The following KAT6A variants were observed in gnomAD, a reference collection of about 807,000 sequenced individuals.
The protein encoded by KAT6A is lysine acetyltransferase 6A, also known as histone acetyltransferase KAT6A.
In KAT6A, 9 loss-of-function variants were observed where a neutral mutation model predicts 198.4. The observed-to-expected ratio is 0.05, with a 90% CI of 0.03 to 0.08. KAT6A has a LOEUF of 0.08. Ranked by LOEUF, KAT6A falls within the 10% of genes least tolerant of loss-of-function variation. KAT6A has a pLI of 1.00. For synonymous variants in KAT6A, 890 were observed against 883.0 expected (o/e 1.01, Z -0.14); for missense variants, 2,077 against 2,509.9 (o/e 0.83, Z 3.69).
chr8:42,015,800 T>C (rs1826243404), intron 2 of KAT6A, among the ~76,000 whole-genome samples: 1 of 152,240 alleles, frequency 6.6e-6, no homozygotes, highest in Admixed American at 6.5e-5. Context: ...TCAATTTATC[T>C]ATTCCTACTG....
At chr8:42,042,717 C>T (rs967790350) in intron 2 of KAT6A, among the ~76,000 whole-genome samples, 14 of 152,184 alleles carry the variant, frequency 9.2e-5, no homozygotes, top group African/African-American at 4.8e-5. Flanking sequence ...CCCTGTCCAA[C>T]TGAACGCTTT....
At chr8:41,940,297 C>T (rs1293392359) in intron 15 of KAT6A, among the ~76,000 whole-genome samples, 1 of 152,098 alleles carries the variant, frequency 6.6e-6, no homozygotes, top group Non-Finnish European at 1.5e-5. Flanking sequence ...ATTTTTAAAG[C>T]AAGAGAGACC....
chr8:41,968,332 C>T (rs1421239193), intron 8 of KAT6A, among the ~76,000 whole-genome samples: 10 of 152,274 alleles, frequency 6.6e-5, no homozygotes, highest in Non-Finnish European at 1.0e-4. Flanking sequence ...ACAGACACTT[C>T]TCAAAAGAAG....
Position 41,955,323 on chromosome 8 carries a change from G to A in KAT6A, c.1571C>T (p.Ser524Phe), listed in dbSNP as rs1334831547. 1.4e-5 allele frequency: 22 copies of A among 1,609,908 alleles called. No individual in the cohort carries two copies. Among genetic ancestry groups the A allele is most frequent in the Non-Finnish European group, 1.9e-5 (22 of 1,176,306 alleles). Residue 524 changes from serine to phenylalanine, a missense_variant, in exon 9 of 17, where the codon TCC (serine) becomes TTC (phenylalanine). By Grantham distance (155) the Ser-to-Phe change is radical. Coordinates refer to ENST00000265713, the MANE Select transcript of KAT6A (RefSeq NM_006766.5). ...FGKYEIHTWY[S>F]SPYPQEYSRL... Reference sequence around the variant, plus strand: ...TGAGTATTCTTGAGGATATGGGGAGGAGTACCAGGTGTGAATTTCATACTT... The same window carrying A: ...TGAGTATTCTTGAGGATATGGGGAGAAGTACCAGGTGTGAATTTCATACTT...
chr8:42,002,265 A>G (rs1684806226), intron 2 of KAT6A, among the ~76,000 whole-genome samples: 1 of 152,234 alleles, frequency 6.6e-6, no homozygotes. Context: ...GTCTGGCTCC[A>G]GAGCCTGCAT....
chr8:42,002,604 A>T (rs1378362459), intron 2 of KAT6A, among the ~76,000 whole-genome samples: 3 of 151,976 alleles, frequency 2.0e-5, no homozygotes, highest in African/African-American at 7.3e-5. Context: ...AAAACAAAAA[A>T]CCCACACATA....
Position 41,955,350 on chromosome 8 carries a change from C to G in KAT6A, c.1544G>C (p.Gly515Ala). Residue 515 changes from glycine to alanine, a missense_variant, in exon 9 of 17, where the codon GGG becomes GCG. Transcript: ENST00000265713. ...QVRCPSVIEF[G>A]KYEIHTWYSS... is the part of the protein sequence containing the mutation. ...GTACCAGGTGTGAATTTCATACTTC[C>G]CAAACTCAATGACAGAGGGACAGCG... The G allele has an allele frequency of 1.2e-6, 2 of 1,613,232 alleles. No individual in the cohort carries two copies. Among genetic ancestry groups the G allele is most frequent in the Non-Finnish European group, 1.7e-6 (2 of 1,179,520 alleles).
In KAT6A at chr8:41,933,867, C is replaced by T. The variant is rs775150447; in HGVS notation, c.4353G>A (p.Ala1451=). 18 of 1,613,992 alleles carry T rather than the reference C, an allele frequency of 1.1e-5. No homozygotes were observed. Among genetic ancestry groups the T allele is most frequent in the East Asian group, 4.5e-5 (2 of 44,872 alleles). The change falls in exon 17 of 17, where the codon GCG becomes GCA. Residue 1451 remains alanine (A), a synonymous_variant. Coordinates refer to ENST00000265713, the MANE Select transcript of KAT6A (RefSeq NM_006766.5). The surrounding 1 kb of genome is among the most constrained non-coding windows in gnomAD (Gnocchi z 6.2). The part of the protein sequence containing the change: ...GAYQDCEETL[A]ACQTLQSYTQ... ...TGTAACTCTGCAGGGTCTGACACGC[C>T]GCAAGAGTTTCCTCACAGTCCTGGT...
In KAT6A at chr8:41,933,120, G is replaced by A. The variant is rs1564003226; in HGVS notation, c.5100C>T (p.Pro1700=). The A allele has an allele frequency of 6.2e-7, 1 of 1,610,124 alleles. No homozygotes were observed. Among genetic ancestry groups the A allele is most frequent in the South Asian group, 1.1e-5 (1 of 90,934 alleles). ...TATTCATACTACACTGTGACAGCGG[G>A]GGCTGCTGCTGGGGAGGGGGTGGGG... ...PPPPPPPQQQ[P]PLSQCSMNNS... The change falls in exon 17 of 17, where the codon CCC becomes CCT. Residue 1700 remains proline, a synonymous_variant. Transcript: ENST00000265713. This position sits in a 1 kb window ranked among gnomAD's most constrained non-coding sequence, Gnocchi z 6.2.
At chr8:42,035,114 A>G (rs1405005913) in intron 2 of KAT6A, among the ~76,000 whole-genome samples, 1 of 152,220 alleles carries the variant, frequency 6.6e-6, no homozygotes, top group Non-Finnish European at 1.5e-5. Flanking sequence ...CTAACAGAGG[A>G]CCTCGAATAC....
chr8:42,040,755 A>G (rs1313801241), intron 2 of KAT6A, among the ~76,000 whole-genome samples: 1 of 148,116 alleles, frequency 6.8e-6, no homozygotes, highest in African/African-American at 2.5e-5. Context: ...AAAAAAAAAA[A>G]AAAAAGAAAG....
intron 2 of KAT6A, among the ~76,000 whole-genome samples, chr8:42,037,925 C>T (rs1218418244): frequency 1.3e-5 from 2 of 152,136 alleles, no homozygotes; most frequent in Admixed American, 1.3e-4. Context: ...GATGTGCTGT[C>T]TGCGGTCTTC....
chr8:41,990,032 C>A (rs1028883434), intron 2 of KAT6A, among the ~76,000 whole-genome samples: 2 of 151,722 alleles, frequency 1.3e-5, no homozygotes, highest in Non-Finnish European at 1.5e-5. Flanking sequence ...AAGACTTTAT[C>A]CAGCAGTAAA....
chr8:41,982,070 T>C (rs1465991340), intron 3 of KAT6A, 116 bp from the exon 4 acceptor site: 9 of 616,750 alleles, frequency 1.5e-5, no homozygotes. Context: ...ATATATCAAA[T>C]AAAGCAAGAT....
intron 3 of KAT6A, among the ~76,000 whole-genome samples, chr8:41,984,129 G>A (rs911780265): frequency 2.6e-5 from 4 of 152,020 alleles, no homozygotes; most frequent in African/African-American, 7.3e-5. Context: ...GTTCTTCTTT[G>A]GCTATTGTGA....
chr8:42,041,796 C>G (rs973675623), intron 2 of KAT6A, among the ~76,000 whole-genome samples: 6 of 151,206 alleles, frequency 4.0e-5, no homozygotes, highest in Non-Finnish European at 8.8e-5. Flanking sequence ...TTAAATATAA[C>G]AATTACTGAG....
intron 8 of KAT6A, among the ~76,000 whole-genome samples, chr8:41,971,839 T>C (rs1463730447): frequency 6.6e-6 from 1 of 151,734 alleles, no homozygotes; most frequent in Non-Finnish European, 1.5e-5. Flanking sequence ...AATACAGACA[T>C]ATTCTGAAGG....
At chr8:42,026,703 T>C (rs1826832206) in intron 2 of KAT6A, among the ~76,000 whole-genome samples, 1 of 152,242 alleles carries the variant, frequency 6.6e-6, no homozygotes, top group Non-Finnish European at 1.5e-5. Flanking sequence ...GATCATGTTG[T>C]CTGCAAAGAG....
rs754428979 is a variant in KAT6A at position 41,933,453 on chromosome 8, G to A, written c.4767C>T (p.Tyr1589=). 2.3e-5 allele frequency: 37 copies of A among 1,612,692 alleles called. 1 individual carries two copies. In the Middle Eastern group the frequency reaches 1.5e-3, roughly 64 times the overall value. Residue 1589 remains tyrosine (Y), a synonymous_variant, in exon 17 of 17, where the codon TAC becomes TAT. Transcript: ENST00000265713. This position sits in a 1 kb window ranked among gnomAD's most constrained non-coding sequence, Gnocchi z 6.2. ...GGCTGCTGGAGGACGACAGCCCACC[G>A]TAGGAGCAGCTGCTCTGGGAAGAGC... is the stretch of plus-strand genomic sequence containing the variant. ...GNSSSQSSCS[Y]GGLSSSSSLT... is the part of the protein sequence containing the mutation.
Sources: gnomAD v4.1 joint callset for allele counts (sites outside exome capture counted in the v4.1 genomes callset) on GRCh38, gnomAD v4.1.1 for gene constraint, Gnocchi (gnomAD v3.1) non-coding constraint, MANE v1.5 for transcripts, NCBI Gene and HGNC (gene_info 2026-07-23, HGNC 2026-07-21) for gene names.